The following LANCL1 variants were observed in gnomAD, a reference collection of about 807,000 sequenced individuals.
The protein encoded by LANCL1 is LanC like glutathione S-transferase 1.
Under a neutral mutation model 50.6 loss-of-function variants are expected in LANCL1, and 50 were observed. The ratio of observed to expected loss-of-function variants is 0.99; its 90% CI spans 0.79 to 1.25. The LOEUF is 1.25. Ranked by LOEUF, LANCL1 falls within the 50% of genes most tolerant of loss-of-function variation. The pLI, the probability that LANCL1 is intolerant of heterozygous loss-of-function variation, is 0.00. For missense variants in LANCL1, 532 were observed against 480.7 expected (o/e 1.11, Z -1.00); for synonymous variants, 188 against 178.6 (o/e 1.05, Z -0.42).
intron 3 of LANCL1, chr2:210,468,612 A>T (rs993561961): frequency 2.0e-5 from 3 of 152,200 alleles, no homozygotes; most frequent in Non-Finnish European, 4.4e-5. Flanking sequence ...GTTGAGTGGG[A>T]CTTCCAGGAA....
chr2:210,451,355 G>A (rs1693506021), intron 4 of LANCL1, among the ~76,000 whole-genome samples: 1 of 152,068 alleles, frequency 6.6e-6, no homozygotes, highest in Non-Finnish European at 1.5e-5. Flanking sequence ...GATAGCATTA[G>A]GATAAATACT....
At chr2:210,459,076 A>C (rs1018531698) in intron 3 of LANCL1, among the ~76,000 whole-genome samples, 2 of 152,068 alleles carry the variant, frequency 1.3e-5, no homozygotes, top group African/African-American at 2.4e-5. Flanking sequence ...CCTTCCCTTC[A>C]TCTTCTCTTC....
Position 210,443,146 on chromosome 2 carries a change from G to A in LANCL1, c.408-1703C>T, listed in dbSNP as rs192066864. Among the ~76,000 whole-genome samples the A allele has an allele frequency of 1.4e-4, 21 of 152,274 alleles. No individual in the cohort carries two copies. In the East Asian group the frequency reaches 3.7e-3, roughly 27 times the overall value. On this transcript the variant is annotated intron_variant, in intron 4 of 9. Coordinates refer to ENST00000450366, the MANE Select transcript of LANCL1 (RefSeq NM_006055.3). The stretch of plus-strand genomic sequence containing the variant: ...CACCCTTTTCATCAGAGACCAAAAG[G>A]GGAAGCCTCAGGAACCAGCAAGTAG...
intron 3 of LANCL1, 26 bp from the exon 4 acceptor site, chr2:210,455,340 T>G: frequency 6.5e-7 from 1 of 1,536,666 alleles, no homozygotes; most frequent in Non-Finnish European, 8.9e-7. Context: ...GGAAACAATG[T>G]AAAGATGAGG....
chr2:210,450,842 T>C (rs1389038128), intron 4 of LANCL1, among the ~76,000 whole-genome samples: 3 of 152,078 alleles, frequency 2.0e-5, no homozygotes, highest in Non-Finnish European at 2.9e-5. Context: ...AGATGCTGCA[T>C]AGAATGTGGA....
chr2:210,433,362 A>G lies in LANCL1; in HGVS notation c.*1125T>C, dbSNP rs2105878586. Reference sequence around the variant, plus strand: ...TTGTTCTAAGCATGAACTCTGGATAATACCTCCTCAATAAAAAGCATTTCT... The same window carrying G: ...TTGTTCTAAGCATGAACTCTGGATAGTACCTCCTCAATAAAAAGCATTTCT... On this transcript the variant is annotated 3_prime_UTR_variant, in exon 10 of 10. Coordinates refer to ENST00000450366, the MANE Select transcript of LANCL1 (RefSeq NM_006055.3). The G allele has an allele frequency of 6.6e-6, 1 of 152,316 alleles. No individual in the cohort carries two copies. Among genetic ancestry groups the G allele is most frequent in the South Asian group, 2.1e-4 (1 of 4,830 alleles). The allele number at this position is 152,316 out of a possible 1,614,324, so 9.4% of individuals were successfully genotyped here.
chr2:210,446,295 G>A (rs931152668), intron 4 of LANCL1, among the ~76,000 whole-genome samples: 3 of 152,014 alleles, frequency 2.0e-5, no homozygotes, highest in Non-Finnish European at 4.4e-5. Flanking sequence ...TTCTGGAGGC[G>A]CCACTGGTGA....
At chr2:210,477,517 T>G (rs1410955281), upstream of LANCL1, 4 of 1,295,428 alleles carry the variant, frequency 3.1e-6, no homozygotes, top group African/African-American at 5.9e-5. Flanking sequence ...TCAGCCTCAC[T>G]CTCTCCTTTT....
At chr2:210,470,441 C>A (rs1194463748) in intron 3 of LANCL1, among the ~76,000 whole-genome samples, 1 of 152,200 alleles carries the variant, frequency 6.6e-6, no homozygotes, top group East Asian at 1.9e-4. Context: ...AAAATAGAAT[C>A]ATGTGTCATT....
At chr2:210,471,297 G>A (rs576329051) in intron 3 of LANCL1, among the ~76,000 whole-genome samples, 76 of 151,938 alleles carry the variant, frequency 5.0e-4, no homozygotes, top group Non-Finnish European at 9.0e-4. Context: ...CACCCGCCTC[G>A]GCCTCCCAAA....
At chr2:210,474,725 A>AAAAAAT (rs533134401) in intron 2 of LANCL1, among the ~76,000 whole-genome samples, 1 of 86,880 alleles carries the variant, frequency 1.2e-5, no homozygotes, top group African/African-American at 3.6e-5. Context: ...ACTCCGTCTA[A>AAAAAAT]AAAAATAAAA....
intron 3 of LANCL1, among the ~76,000 whole-genome samples, chr2:210,470,214 A>G (rs1458935753): frequency 6.6e-6 from 1 of 152,200 alleles, no homozygotes; most frequent in Non-Finnish European, 1.5e-5. Flanking sequence ...TAGATAATAA[A>G]TGGCAGCTGT....
intron 3 of LANCL1, among the ~76,000 whole-genome samples, chr2:210,464,488 A>G (rs1693975549): frequency 6.6e-6 from 1 of 152,106 alleles, no homozygotes; most frequent in Non-Finnish European, 1.5e-5. Flanking sequence ...ATATAGTGGA[A>G]ACTTTTTTGG....
chr2:210,440,558 A>T (rs1221047349), intron 6 of LANCL1, 40 bp downstream of exon 6: 2 of 1,583,160 alleles, frequency 1.3e-6, no homozygotes, highest in Non-Finnish European at 1.7e-6. Flanking sequence ...TACATGGGTC[A>T]GGAAGGACAT....
At chr2:210,445,859 G>C (rs147345865) in intron 4 of LANCL1, among the ~76,000 whole-genome samples, 1 of 152,260 alleles carries the variant, frequency 6.6e-6, no homozygotes, top group East Asian at 1.9e-4. Context: ...GGTGTTACTG[G>C]GGAGAGTTTT....
chr2:210,452,393 T>G (rs1353189829), intron 4 of LANCL1, among the ~76,000 whole-genome samples: 1 of 152,176 alleles, frequency 6.6e-6, no homozygotes, highest in East Asian at 1.9e-4. Flanking sequence ...GGCAACACAC[T>G]TTATTCATGT....
rs551058996 is a variant in LANCL1, at chr2:210,437,611, A to G, written c.873+79T>C. The stretch of plus-strand genomic sequence containing the variant: ...CAAGAGATTTATTTATTGTTCCTTT[A>G]TGGATTAGGATAAAACTAATTTTAA... On this transcript the variant is annotated intron_variant, in intron 7 of 9. Transcript: ENST00000450366. 3.4e-5 allele frequency: 27 copies of G among 795,626 alleles called. No individual in the cohort carries two copies. The East Asian group carries it at 4.5e-4, about 13-fold the overall frequency. 49.3% of individuals were successfully genotyped at this position (795,626 alleles called of 1,614,324 possible).
intron 2 of LANCL1, among the ~76,000 whole-genome samples, chr2:210,472,583 C>G (rs1217985258): frequency 6.6e-6 from 1 of 152,146 alleles, no homozygotes; most frequent in Non-Finnish European, 1.5e-5. Flanking sequence ...GAGCCTTAAG[C>G]AGAATAGAAA....
At chr2:210,439,096 A>G (rs1693039655) in intron 6 of LANCL1, among the ~76,000 whole-genome samples, 1 of 152,230 alleles carries the variant, frequency 6.6e-6, no homozygotes, top group South Asian at 2.1e-4. Flanking sequence ...AGAGTGTTAC[A>G]GTAGAATGAG....
Sources: allele counts gnomAD v4.1 joint callset (sites outside exome capture counted in the v4.1 genomes callset), GRCh38; gene constraint gnomAD v4.1.1; transcripts MANE v1.5; gene names NCBI Gene and HGNC (gene_info 2026-07-23, HGNC 2026-07-21).